TSNARE1: variants seen among roughly 807,000 people sequenced by gnomAD.
TSNARE1 encodes t-SNARE domain-containing protein 1.
A neutral mutation model predicts 62.0 loss-of-function variants in TSNARE1; 49 were observed. The ratio of observed to expected loss-of-function variants is 0.79; its 90% CI spans 0.63 to 1.00. TSNARE1 has a LOEUF of 1.00. Among genes scored for constraint, TSNARE1 ranks in the 50% least tolerant of loss-of-function variants. The pLI, the probability that TSNARE1 is intolerant of heterozygous loss-of-function variation, is 0.00. For missense variants in TSNARE1, 755 were observed against 700.1 expected, an observed-to-expected ratio of 1.08 and a Z score of -0.88; for synonymous variants, 328 against 294.4, an observed-to-expected ratio of 1.11 and a Z score of -1.17.
chr8:142,289,004 G>A (rs186247388), intron 10 of TSNARE1, among the ~76,000 whole-genome samples: 4 of 152,282 alleles, frequency 2.6e-5, no homozygotes, highest in Non-Finnish European at 4.4e-5. Context: ...TCTTTCGAGC[G>A]AACGCAGCAT....
chr8:142,299,550 T>C (rs1456302597), intron 10 of TSNARE1, among the ~76,000 whole-genome samples: 1 of 152,240 alleles, frequency 6.6e-6, no homozygotes, highest in East Asian at 1.9e-4. Flanking sequence ...CGCTGCCTGA[T>C]TGATGTGTTC....
At chr8:142,280,973 G>T (rs923256614) in intron 11 of TSNARE1, among the ~76,000 whole-genome samples, 1 of 152,202 alleles carries the variant, frequency 6.6e-6, no homozygotes, top group African/African-American at 2.4e-5. Context: ...CCGCCCCAGG[G>T]AGCAGCAGGG....
rs1461280058 is a variant in TSNARE1, at chr8:142,377,221, T to C, written c.-39-22458A>G. Among the ~76,000 whole-genome samples, 5 of 152,194 alleles carry C rather than the reference T, an allele frequency of 3.3e-5. No homozygotes were observed. In the East Asian group the frequency reaches 9.7e-4, roughly 29 times the overall value. On this transcript the variant is annotated intron_variant, in intron 1 of 13. Coordinates refer to ENST00000524325, the MANE Select transcript of TSNARE1 (RefSeq NM_145003.5). The stretch of plus-strand genomic sequence containing the variant: ...CATCTCATCAATTACCCAAGATCTA[T>C]CCCAGATAGACTAAAGGGCTACATC...
chr8:142,329,392 A>C (rs1293182389), intron 6 of TSNARE1, among the ~76,000 whole-genome samples: 1 of 152,214 alleles, frequency 6.6e-6, no homozygotes, highest in Non-Finnish European at 1.5e-5. Flanking sequence ...GTCTTCAGCT[A>C]ACCAGGCCGG....
intron 2 of TSNARE1, among the ~76,000 whole-genome samples, chr8:142,352,567 G>A (rs369822015): frequency 2.4e-4 from 37 of 152,384 alleles, no homozygotes; most frequent in African/African-American, 4.6e-4. Flanking sequence ...CACAGACGCC[G>A]CGGTGTGCTC....
intron 13 of TSNARE1, among the ~76,000 whole-genome samples, chr8:142,221,428 G>C (rs966273203): frequency 1.3e-5 from 2 of 152,220 alleles, no homozygotes; most frequent in Non-Finnish European, 2.9e-5. Context: ...ATATCTCACA[G>C]CTTTCAGAAA....
chr8:142,344,043 G>T lies in TSNARE1; in HGVS notation c.668C>A (p.Pro223His), dbSNP rs1197594275. The T allele has an allele frequency of 2.5e-6, 4 of 1,589,080 alleles. No individual in the cohort carries two copies. The highest frequency in any genetic ancestry group is 2.6e-6 in the Non-Finnish European group (3 of 1,165,492). The change falls in exon 4 of 14, where the codon CCC (proline) becomes CAC (histidine). Residue 223 changes from proline (P) to histidine (H), a missense_variant. By Grantham distance (77) the Pro-to-His change is moderately conservative. Transcript: ENST00000524325. ...GGTCTTGGCCACCACCTGCTCCACGGGCGTGAGAGCCAGGGCCTGGGGCTT... is the reference window on the plus strand; with the variant it reads ...GGTCTTGGCCACCACCTGCTCCACGTGCGTGAGAGCCAGGGCCTGGGGCTT... ...SGKPQALALT[P>H]VEQVVAKTFS...
chr8:142,313,152 G>A (rs990273957), intron 9 of TSNARE1, among the ~76,000 whole-genome samples: 11 of 152,082 alleles, frequency 7.2e-5, no homozygotes, highest in Non-Finnish European at 1.3e-4. Context: ...GTGTCTGCAT[G>A]TCTATCTGTG....
chr8:142,270,992 C>T lies in TSNARE1; in HGVS notation c.1446+3789G>A, dbSNP rs906254115. 8 of 985,444 alleles carry T rather than the reference C, an allele frequency of 8.1e-6. No homozygotes were observed. In the African/African-American group the frequency reaches 1.4e-4, roughly 17 times the overall value. The allele number at this position is 985,444 out of a possible 1,614,324, so 61.0% of individuals were successfully genotyped here. On this transcript the variant is annotated intron_variant, in intron 12 of 13. Transcript: ENST00000524325. ...GAGTTGTCCCGGTGCCCTGGAGACC[C>T]AGTCACTGCCACCTCTCCCCTGCCT...
intron 2 of TSNARE1, among the ~76,000 whole-genome samples, chr8:142,350,825 T>C (rs2130645961): frequency 6.6e-6 from 1 of 152,166 alleles, no homozygotes; most frequent in Non-Finnish European, 1.5e-5. Context: ...CAAATAAACT[T>C]GGAGGGAAAT....
intron 2 of TSNARE1, among the ~76,000 whole-genome samples, chr8:142,347,107 G>C (rs1389734375): frequency 3.9e-5 from 6 of 152,162 alleles, no homozygotes; most frequent in Non-Finnish European, 7.4e-5. Flanking sequence ...CTCCAGCTCT[G>C]GGCCCTGGTG....
chr8:142,286,020 A>G (rs565496980), intron 10 of TSNARE1, among the ~76,000 whole-genome samples: 37 of 152,290 alleles, frequency 2.4e-4, no homozygotes, highest in Admixed American at 1.0e-3. Flanking sequence ...GGAAAGGGGA[A>G]GAGTTGGGAT....
intron 12 of TSNARE1, among the ~76,000 whole-genome samples, chr8:142,255,386 C>A (rs985362090): frequency 1.4e-5 from 2 of 144,926 alleles, no homozygotes; most frequent in African/African-American, 2.6e-5. Context: ...ATGGCTGTTA[C>A]CACCACCATT....
intron 6 of TSNARE1, among the ~76,000 whole-genome samples, chr8:142,330,323 C>G (rs1330418043): frequency 6.6e-6 from 1 of 152,188 alleles, no homozygotes; most frequent in Admixed American, 6.5e-5. Context: ...TCAGACTTAG[C>G]AGACAGCACC....
intron 12 of TSNARE1, among the ~76,000 whole-genome samples, chr8:142,234,581 C>G (rs1817309157): frequency 6.6e-6 from 1 of 152,360 alleles, no homozygotes; most frequent in South Asian, 2.1e-4. Context: ...TCCATTAGTT[C>G]TCTGTAGATG....
chr8:142,339,922 C>A (rs1417795757), intron 4 of TSNARE1, among the ~76,000 whole-genome samples: 5 of 152,258 alleles, frequency 3.3e-5, no homozygotes, highest in Non-Finnish European at 5.9e-5. Context: ...AACAGTCCTG[C>A]AGCATGCAGG....
At chr8:142,223,340 A>ACTCG (rs1347585121) in intron 13 of TSNARE1, among the ~76,000 whole-genome samples, 13 of 128,492 alleles carry the variant, frequency 1.0e-4, no homozygotes, top group East Asian at 4.6e-4. Context: ...TCGTTCACTC[A>ACTCG]TTCACTCATT....
intron 9 of TSNARE1, among the ~76,000 whole-genome samples, chr8:142,306,233 A>G (rs1826645660): frequency 1.3e-5 from 2 of 152,166 alleles, no homozygotes; most frequent in Non-Finnish European, 2.9e-5. Context: ...AGGGAAATGG[A>G]CCCAGAGACA....
At chr8:142,334,061 T>G (rs1257582310) in intron 4 of TSNARE1, among the ~76,000 whole-genome samples, 2 of 152,256 alleles carry the variant, frequency 1.3e-5, no homozygotes, top group African/African-American at 4.8e-5. Flanking sequence ...TCTTGAGCTA[T>G]GACAACAGGG....
Sources: allele counts gnomAD v4.1 joint callset (sites outside exome capture counted in the v4.1 genomes callset), GRCh38; gene constraint gnomAD v4.1.1; transcripts MANE v1.5; gene names NCBI Gene and HGNC (gene_info 2026-07-23, HGNC 2026-07-21).